C4BPA: variants seen among roughly 807,000 people sequenced by gnomAD.
C4BPA encodes the protein C4b-binding protein alpha chain.
In C4BPA, 31 loss-of-function variants were observed where a neutral mutation model predicts 63.7. The ratio of observed to expected loss-of-function variants is 0.49; its 90% CI spans 0.37 to 0.66. The LOEUF (loss-of-function observed/expected upper bound fraction) is 0.66, where lower values mean the gene tolerates loss of function less well. C4BPA is among the 30% of genes least tolerant of loss of function. The pLI is 0.00. For missense variants in C4BPA, 572 were observed against 723.3 expected (o/e 0.79, Z 2.40); for synonymous variants, 259 against 254.7 (o/e 1.02, Z -0.16).
intron 10 of C4BPA, among the ~76,000 whole-genome samples, chr1:207,142,322 A>G (rs1247870052): frequency 6.6e-6 from 1 of 152,160 alleles, no homozygotes; most frequent in East Asian, 1.9e-4. Context: ...TCTATCATTG[A>G]TGGACATTTG....
chr1:207,113,694 T>A (rs1684718800), intron 2 of C4BPA, among the ~76,000 whole-genome samples: 1 of 152,238 alleles, frequency 6.6e-6, no homozygotes, highest in African/African-American at 2.4e-5. Context: ...TTATATAATG[T>A]TATTTGAATA....
chr1:207,138,918 T>A (rs574330051), intron 9 of C4BPA, among the ~76,000 whole-genome samples: 1 of 152,328 alleles, frequency 6.6e-6, no homozygotes, highest in African/African-American at 2.4e-5. Flanking sequence ...CTATTTTTTA[T>A]TGTATTTTTT....
chr1:207,135,576 C>T (rs2102357147), intron 9 of C4BPA, among the ~76,000 whole-genome samples: 1 of 152,322 alleles, frequency 6.6e-6, no homozygotes, highest in Non-Finnish European at 1.5e-5. Context: ...ATGTGAAGCA[C>T]AAATTTCCCA....
intron 9 of C4BPA, among the ~76,000 whole-genome samples, chr1:207,138,325 TATA>T (rs1236173376): frequency 3.3e-5 from 5 of 152,186 alleles, no homozygotes; most frequent in African/African-American, 9.7e-5. Flanking sequence ...ACTTCCATCT[TATA>T]ATGAATGGTT....
intron 4 of C4BPA, among the ~76,000 whole-genome samples, chr1:207,116,161 C>T (rs1349681416): frequency 6.6e-6 from 1 of 152,190 alleles, no homozygotes; most frequent in Non-Finnish European, 1.5e-5. Flanking sequence ...TCTGTCTCTC[C>T]ACAAACTCTC....
At chr1:207,106,608 A>T (rs923428497) in intron 1 of C4BPA, among the ~76,000 whole-genome samples, 6 of 150,486 alleles carry the variant, frequency 4.0e-5, no homozygotes, top group African/African-American at 1.5e-4. Flanking sequence ...CGCCCAGCTA[A>T]TTTTTTGTCT....
chr1:207,144,723 C>G lies in C4BPA; in HGVS notation c.*6C>G, dbSNP rs754129402. On this transcript the variant is annotated 3_prime_UTR_variant, in exon 12 of 12. Coordinates refer to ENST00000367070, the MANE Select transcript of C4BPA (RefSeq NM_000715.4). ...CTTTGGATAAAGAACTATAATTTTT[C>G]TCAAAAGAAGGAGGAAAAGGTGTCT... 1.9e-6 allele frequency: 3 copies of G among 1,589,664 alleles called. No homozygotes were observed. The South Asian group carries it at 3.4e-5, about 18-fold the overall frequency.
intron 9 of C4BPA, among the ~76,000 whole-genome samples, chr1:207,137,369 G>A (rs774470734): frequency 1.3e-5 from 2 of 152,328 alleles, no homozygotes; most frequent in East Asian, 1.9e-4. Flanking sequence ...TGTGGCCAAG[G>A]TGGTCGGGGT....
At chr1:207,144,032 C>T in intron 11 of C4BPA, 39 bp downstream of exon 11, 1 of 1,481,416 alleles carries the variant, frequency 6.8e-7, no homozygotes, top group Middle Eastern at 1.8e-4. Flanking sequence ...TGCTGTCGAC[C>T]CCTAAAAATG....
In C4BPA at chr1:207,123,903, T is replaced by C. The variant is rs779570908; in HGVS notation, c.429-19T>C. ...GGGTAGGAGGAATTCCATTAAAATC[T>C]TTGATCTATCTTATTCAGATTTTTC... On this transcript the variant is annotated intron_variant, in intron 4 of 11. Coordinates refer to ENST00000367070, the MANE Select transcript of C4BPA (RefSeq NM_000715.4). 6.7e-5 allele frequency: 99 copies of C among 1,486,288 alleles called. 1 individual carries two copies. In the Middle Eastern group the frequency reaches 1.7e-3, roughly 26 times the overall value. 92.1% of individuals were successfully genotyped at this position (1,486,288 alleles called of 1,614,324 possible).
At chr1:207,132,795 G>A (rs1314463233) in intron 8 of C4BPA, among the ~76,000 whole-genome samples, 1 of 152,160 alleles carries the variant, frequency 6.6e-6, no homozygotes, top group Non-Finnish European at 1.5e-5. Flanking sequence ...GGCTGAGGCG[G>A]GAGGATTGCT....
intron 9 of C4BPA, among the ~76,000 whole-genome samples, chr1:207,135,716 C>A (rs1343301924): frequency 6.6e-6 from 1 of 152,174 alleles, no homozygotes; most frequent in Non-Finnish European, 1.5e-5. Context: ...ATAAATACAG[C>A]ATTTTGGAAG....
intron 1 of C4BPA, among the ~76,000 whole-genome samples, chr1:207,112,350 G>GTTTTTTTTTT (rs61668698): frequency 4.4e-5 from 5 of 114,166 alleles, no homozygotes; most frequent in Non-Finnish European, 7.5e-5. Flanking sequence ...CTGCCTTTTT[G>GTTTTTTTTTT]TTTTTTTTTT....
chr1:207,119,909 G>T (rs1417863357), intron 4 of C4BPA, among the ~76,000 whole-genome samples: 1 of 152,156 alleles, frequency 6.6e-6, no homozygotes, highest in Non-Finnish European at 1.5e-5. Context: ...TCTGTCGTTG[G>T]TTCCTTGCCC....
intron 1 of C4BPA, among the ~76,000 whole-genome samples, chr1:207,112,350 G>GTT (rs61668698): frequency 2.6e-4 from 30 of 114,194 alleles, no homozygotes; most frequent in South Asian, 5.7e-4. Flanking sequence ...CTGCCTTTTT[G>GTT]TTTTTTTTTT....
At chr1:207,111,386 T>C (rs964416102) in intron 1 of C4BPA, among the ~76,000 whole-genome samples, 4 of 152,210 alleles carry the variant, frequency 2.6e-5, no homozygotes, top group African/African-American at 9.6e-5. Context: ...AATTTACGTA[T>C]TGGCAGAATT....
At chr1:207,116,558 GTA>G (rs1491321118) in intron 4 of C4BPA, among the ~76,000 whole-genome samples, 4 of 137,820 alleles carry the variant, frequency 2.9e-5, no homozygotes, top group African/African-American at 1.1e-4. Context: ...GTGTGTGTGT[GTA>G]TAATGTTTTT....
At chr1:207,115,992 C>A (rs1235213327) in intron 4 of C4BPA, among the ~76,000 whole-genome samples, 1 of 152,174 alleles carries the variant, frequency 6.6e-6, no homozygotes, top group African/African-American at 2.4e-5. Context: ...GAAGTATTCT[C>A]TTGTATGTGT....
chr1:207,121,366 A>G (rs1192249343), intron 4 of C4BPA, among the ~76,000 whole-genome samples: 1 of 152,158 alleles, frequency 6.6e-6, no homozygotes, highest in Non-Finnish European at 1.5e-5. Flanking sequence ...TCTTTAACAT[A>G]TAAAGTACCC....
Sources: allele counts gnomAD v4.1 joint callset (sites outside exome capture counted in the v4.1 genomes callset), GRCh38; gene constraint gnomAD v4.1.1; transcripts MANE v1.5; gene names NCBI Gene and HGNC (gene_info 2026-07-23, HGNC 2026-07-21).